DPYSL3: variants seen among roughly 807,000 people sequenced by gnomAD.
DPYSL3 encodes the protein dihydropyrimidinase like 3.
DPYSL3 carries 16 observed loss-of-function variants against 66.1 expected under a neutral mutation model. The ratio of observed to expected loss-of-function variants is 0.24; its 90% CI spans 0.16 to 0.37. The LOEUF is 0.37. Ranked by LOEUF, DPYSL3 falls within the 10% of genes least tolerant of loss-of-function variation. The pLI is 1.00. For synonymous variants in DPYSL3, 338 were observed against 345.1 expected, an observed-to-expected ratio of 0.98 and a Z score of 0.23; for missense variants, 738 against 916.2, an observed-to-expected ratio of 0.81 and a Z score of 2.51.
At chr5:147,438,095 C>T (rs979913373) in intron 1 of DPYSL3, among the ~76,000 whole-genome samples, 2 of 152,160 alleles carry the variant, frequency 1.3e-5, no homozygotes, top group East Asian at 1.9e-4. Context: ...GGGAAGAGTT[C>T]GCTCTTTTTT....
intron 1 of DPYSL3, among the ~76,000 whole-genome samples, chr5:147,480,841 G>C (rs1753228679): frequency 6.6e-6 from 1 of 151,570 alleles, no homozygotes; most frequent in Non-Finnish European, 1.5e-5. Context: ...TTCTGCCTTA[G>C]ACTCCTGAGT....
intron 13 of DPYSL3, 99 bp downstream of exon 13, chr5:147,395,460 A>T: frequency 1.4e-6 from 2 of 1,438,486 alleles, no homozygotes; most frequent in Non-Finnish European, 1.9e-6. Context: ...AGGCTGGAAA[A>T]CTCCTTCAGG....
intron 1 of DPYSL3, among the ~76,000 whole-genome samples, chr5:147,452,834 T>A (rs1287153121): frequency 6.6e-6 from 1 of 151,448 alleles, no homozygotes; most frequent in Non-Finnish European, 1.5e-5. Context: ...CGGCCTTTTC[T>A]TTGATGTGAG....
intron 3 of DPYSL3, among the ~76,000 whole-genome samples, chr5:147,417,921 A>G (rs1752003490): frequency 6.6e-6 from 1 of 152,176 alleles, no homozygotes; most frequent in Non-Finnish European, 1.5e-5. Flanking sequence ...GCGTCCCAGT[A>G]GAAGCTTTAA....
intron 1 of DPYSL3, among the ~76,000 whole-genome samples, chr5:147,455,188 G>A (rs1431377777): frequency 6.6e-6 from 1 of 152,156 alleles, no homozygotes; most frequent in Non-Finnish European, 1.5e-5. Context: ...GGCATCCACA[G>A]AAAGAGAATA....
intron 4 of DPYSL3, among the ~76,000 whole-genome samples, chr5:147,414,423 G>A (rs767962768): frequency 2.0e-5 from 3 of 152,294 alleles, no homozygotes; most frequent in African/African-American, 4.8e-5. Context: ...TGGGACTGGG[G>A]AACTGAGAAT....
At chr5:147,503,149 A>G (rs1753639597) in intron 1 of DPYSL3, among the ~76,000 whole-genome samples, 1 of 152,184 alleles carries the variant, frequency 6.6e-6, no homozygotes, top group African/African-American at 2.4e-5. Context: ...ACCACTGACT[A>G]TTATCTATTT....
intron 1 of DPYSL3, among the ~76,000 whole-genome samples, chr5:147,468,845 T>C (rs1008770758): frequency 6.6e-6 from 1 of 152,208 alleles, no homozygotes; most frequent in African/African-American, 2.4e-5. Flanking sequence ...TAAATAATGA[T>C]TGTTTTATTA....
intron 1 of DPYSL3, among the ~76,000 whole-genome samples, chr5:147,456,581 ATTTTTTTTTTTT>A (rs985633099): frequency 1.2e-5 from 1 of 80,320 alleles, no homozygotes; most frequent in Non-Finnish European, 2.3e-5. Context: ...TACTGATTCT[ATTTTTTTTTTTT>A]TTTTTTTTTT....
chr5:147,424,550 AT>A (rs1169944819), intron 2 of DPYSL3, among the ~76,000 whole-genome samples: 3 of 152,118 alleles, frequency 2.0e-5, no homozygotes, highest in Non-Finnish European at 4.4e-5. Flanking sequence ...TTCTAAATAA[AT>A]TTCTTCTTCT....
chr5:147,473,951 G>A (rs1206994042), intron 1 of DPYSL3, among the ~76,000 whole-genome samples: 1 of 152,118 alleles, frequency 6.6e-6, no homozygotes, highest in East Asian at 1.9e-4. Flanking sequence ...TGCAGTGTTT[G>A]AGGCAAAGTC....
At chr5:147,494,538 G>A (rs1024002066) in intron 1 of DPYSL3, among the ~76,000 whole-genome samples, 1 of 151,540 alleles carries the variant, frequency 6.6e-6, no homozygotes, top group African/African-American at 2.4e-5. Flanking sequence ...AAATGAAATA[G>A]GGACATCACT....
intron 7 of DPYSL3, among the ~76,000 whole-genome samples, chr5:147,408,129 C>T (rs541405816): frequency 8.5e-5 from 13 of 152,132 alleles, no homozygotes; most frequent in Non-Finnish European, 1.8e-4. Flanking sequence ...CCAGGCTGCC[C>T]TTCCAAAGCC....
intron 1 of DPYSL3, among the ~76,000 whole-genome samples, chr5:147,474,752 T>G (rs912072976): frequency 1.3e-5 from 2 of 152,118 alleles, no homozygotes; most frequent in African/African-American, 4.8e-5. Flanking sequence ...GATCATCTCA[T>G]GTAATAGCCT....
chr5:147,408,649 C>G (rs953799121), intron 7 of DPYSL3, 79 bp downstream of exon 7: 1 of 1,475,246 alleles, frequency 6.8e-7, no homozygotes, highest in African/African-American at 1.4e-5. Flanking sequence ...AATACTGCAA[C>G]CTGGTACTCA....
chr5:147,472,818 C>G (rs903121638), intron 1 of DPYSL3: 1 of 152,110 alleles, frequency 6.6e-6, no homozygotes, highest in Non-Finnish European at 1.5e-5. Context: ...GTTTATAACA[C>G]CATCCTATTT....
At chr5:147,439,386 AAAAC>A (rs1363301230) in intron 1 of DPYSL3, among the ~76,000 whole-genome samples, 6 of 152,182 alleles carry the variant, frequency 3.9e-5, no homozygotes, top group East Asian at 3.9e-4. Context: ...GAGAAAAAAA[AAAAC>A]AACAAGTACA....
chr5:147,490,280 A>G (rs550406208), intron 1 of DPYSL3, among the ~76,000 whole-genome samples: 2 of 152,352 alleles, frequency 1.3e-5, no homozygotes, highest in South Asian at 4.1e-4. Context: ...AGCCTTTTAT[A>G]GGAATTTTCC....
intron 1 of DPYSL3, among the ~76,000 whole-genome samples, chr5:147,470,743 C>T (rs1306612289): frequency 1.3e-5 from 2 of 152,246 alleles, no homozygotes; most frequent in East Asian, 3.9e-4. Flanking sequence ...AAGCACTTGC[C>T]CAAATCATAC....
Sources: gnomAD v4.1 joint callset for allele counts (sites outside exome capture counted in the v4.1 genomes callset) on GRCh38, gnomAD v4.1.1 for gene constraint, MANE v1.5 for transcripts, NCBI Gene and HGNC (gene_info 2026-07-23, HGNC 2026-07-21) for gene names.